Variants in LARP4B observed in about 807,000 individuals in gnomAD.
LARP4B encodes the protein la-related protein 4B.
LARP4B carries 12 observed loss-of-function variants against 89.8 expected under a neutral mutation model. The ratio of observed to expected loss-of-function variants is 0.13; its 90% CI spans 0.09 to 0.22. The LOEUF (loss-of-function observed/expected upper bound fraction) is 0.22. Ranked by LOEUF, LARP4B falls within the 10% of genes least tolerant of loss-of-function variation. The pLI is 1.00. For missense variants in LARP4B, 757 were observed against 947.7 expected (o/e 0.80, Z 2.64); for synonymous variants, 367 against 363.3 (o/e 1.01, Z -0.12).
At chr10:906,221 T>A (rs900911248) in intron 1 of LARP4B, among the ~76,000 whole-genome samples, 1 of 152,222 alleles carries the variant, frequency 6.6e-6, no homozygotes, top group Non-Finnish European at 1.5e-5. Context: ...GTACAATGCT[T>A]CTATGACTCT....
In LARP4B at chr10:921,437, A is replaced by G. The variant is rs116247335; in HGVS notation, c.-40+9991T>C. On this transcript the variant is annotated intron_variant, in intron 1 of 17. Coordinates refer to ENST00000316157, the MANE Select transcript of LARP4B (RefSeq NM_015155.3). Reference sequence around the variant, plus strand: ...TTGAGCTGTAACTTCATGTGATTTCATGAAAAACCTATTCTCAATAACAGA... The same window carrying G: ...TTGAGCTGTAACTTCATGTGATTTCGTGAAAAACCTATTCTCAATAACAGA... Among the ~76,000 whole-genome samples the G allele has an allele frequency of 5.2e-3, 798 of 152,308 alleles. 6 individuals are homozygous for G. Among genetic ancestry groups the G allele is most frequent in the African/African-American group, 0.018 (759 of 41,562 alleles).
chr10:824,989 T>A, intron 13 of LARP4B, 76 bp downstream of exon 13: 1 of 1,382,014 alleles, frequency 7.2e-7, no homozygotes, highest in East Asian at 2.5e-5. Flanking sequence ...TAAAGACAAT[T>A]ACAAAACATA....
At chr10:957,918 T>C in the LARP4B span, among the ~76,000 whole-genome samples, 1 of 150,280 alleles carries the variant, frequency 6.7e-6, no homozygotes, top group African/African-American at 2.4e-5. Context: ...CTCCTCAGCC[T>C]CCTCAGTAGC....
At chr10:973,959 A>G in the LARP4B span, among the ~76,000 whole-genome samples, 1 of 152,114 alleles carries the variant, frequency 6.6e-6, no homozygotes, top group Non-Finnish European at 1.5e-5. Flanking sequence ...GTTAGGTGGG[A>G]ATAACCTTAG....
intron 5 of LARP4B, among the ~76,000 whole-genome samples, chr10:861,977 T>G (rs1301867926): frequency 6.6e-6 from 1 of 152,214 alleles, no homozygotes; most frequent in African/African-American, 2.4e-5. Flanking sequence ...TTCAATGGAC[T>G]CTAACATGAC....
the LARP4B span, among the ~76,000 whole-genome samples, chr10:974,931 G>A: frequency 6.6e-6 from 1 of 152,238 alleles, no homozygotes; most frequent in African/African-American, 2.4e-5. Flanking sequence ...GTGTGACTGG[G>A]AAAGTAGCGG....
chr10:951,139 G>T, the LARP4B span, among the ~76,000 whole-genome samples: 71 of 152,236 alleles, frequency 4.7e-4, no homozygotes, highest in African/African-American at 1.7e-3. Flanking sequence ...TCCTTGCCTT[G>T]TTCCTGATCT....
At chr10:825,737 A>C in intron 12 of LARP4B, 27 bp downstream of exon 12, 4 of 1,542,760 alleles carry the variant, frequency 2.6e-6, no homozygotes, top group Non-Finnish European at 3.6e-6. Flanking sequence ...TAAAGACCAA[A>C]ACTGCTAAGA....
chr10:885,200 G>GT (rs1835816179), intron 2 of LARP4B, among the ~76,000 whole-genome samples: 1 of 152,182 alleles, frequency 6.6e-6, no homozygotes, highest in African/African-American at 2.4e-5. Context: ...ACCAGGAGCA[G>GT]TAACACACAG....
At chr10:986,335 G>C in the LARP4B span, 20 of 152,364 alleles carry the variant, frequency 1.3e-4, no homozygotes, top group African/African-American at 4.3e-4. Context: ...GCTGGAACCT[G>C]CTAATGCAGT....
chr10:871,338 C>T (rs1231220270), intron 3 of LARP4B, among the ~76,000 whole-genome samples: 11 of 152,232 alleles, frequency 7.2e-5, no homozygotes, highest in African/African-American at 1.2e-4. Context: ...GACTTGCCAT[C>T]GGGGGGCACT....
At chr10:902,787 G>A (rs1836380401) in intron 1 of LARP4B, among the ~76,000 whole-genome samples, 1 of 152,040 alleles carries the variant, frequency 6.6e-6, no homozygotes. Flanking sequence ...TAGGATTGCA[G>A]GTGTGCACCA....
intron 5 of LARP4B, among the ~76,000 whole-genome samples, chr10:846,233 G>A (rs1833771361): frequency 1.3e-5 from 2 of 152,242 alleles, no homozygotes; most frequent in Admixed American, 6.5e-5. Context: ...TGCAGGCTCT[G>A]TGAATTCAGC....
intron 1 of LARP4B, among the ~76,000 whole-genome samples, chr10:901,949 G>GA (rs1564438258): frequency 6.6e-6 from 1 of 152,018 alleles, no homozygotes; most frequent in Non-Finnish European, 1.5e-5. Context: ...TACATGAGAA[G>GA]ACCACCAAAT....
chr10:834,557 T>G (rs552622569), intron 8 of LARP4B, among the ~76,000 whole-genome samples: 1 of 152,272 alleles, frequency 6.6e-6, no homozygotes, highest in South Asian at 2.1e-4. Context: ...TGGGAACTTA[T>G]GTTCTTACGT....
At chr10:907,098 TTACACCCAGGAA>T (rs1419657253) in intron 1 of LARP4B, among the ~76,000 whole-genome samples, 1 of 152,166 alleles carries the variant, frequency 6.6e-6, no homozygotes, top group Non-Finnish European at 1.5e-5. Flanking sequence ...CTGCAAACCT[TTACACCCAGGAA>T]TACAGCATAT....
At chr10:969,989 G>A in the LARP4B span, among the ~76,000 whole-genome samples, 24 of 152,274 alleles carry the variant, frequency 1.6e-4, no homozygotes, top group South Asian at 1.9e-3. Flanking sequence ...ACTGACGCCT[G>A]CAGGAGGTCC....
intron 1 of LARP4B, among the ~76,000 whole-genome samples, chr10:901,871 A>G (rs1030431650): frequency 2.0e-5 from 3 of 152,234 alleles, no homozygotes; most frequent in Non-Finnish European, 4.4e-5. Context: ...TTCTCCTCCT[A>G]AGGAGGACAT....
At chr10:938,411 C>T in the LARP4B span, among the ~76,000 whole-genome samples, 1 of 151,938 alleles carries the variant, frequency 6.6e-6, no homozygotes, top group South Asian at 2.1e-4. Context: ...ACACCACGCC[C>T]GGCTAATTTT....
Sources: gnomAD v4.1 joint callset for allele counts (sites outside exome capture counted in the v4.1 genomes callset) on GRCh38, gnomAD v4.1.1 for gene constraint, MANE v1.5 for transcripts, NCBI Gene and HGNC (gene_info 2026-07-23, HGNC 2026-07-21) for gene names.